Variants in SLC26A5 observed in about 807,000 individuals in gnomAD.
The protein encoded by SLC26A5 is solute carrier family 26 member 5, also known as prestin.
In SLC26A5, 51 loss-of-function variants were observed where a neutral mutation model predicts 81.0. The observed-to-expected ratio is 0.63, with a 90% CI of 0.50 to 0.80. The LOEUF (loss-of-function observed/expected upper bound fraction) is 0.80. Ranked by LOEUF, SLC26A5 falls within the 30% of genes least tolerant of loss-of-function variation. The pLI is 0.00. For synonymous variants in SLC26A5, 325 were observed against 332.8 expected (o/e 0.98, Z 0.25); for missense variants, 771 against 905.8 (o/e 0.85, Z 1.91).
Position 103,411,463 on chromosome 7 carries a change from A to T in SLC26A5, c.527T>A (p.Val176Glu). The T allele has an allele frequency of 6.2e-7, 1 of 1,613,978 alleles. No individual in the cohort carries two copies. The highest frequency in any genetic ancestry group is 1.6e-4 in the Middle Eastern group (1 of 6,062). ...NGTEARDALR[V>E]KVAMSVTLLS... is the part of the protein sequence containing the mutation. The stretch of plus-strand genomic sequence containing the variant: ...TAAGGTCACAGACATGGCGACTTTC[A>T]CTCTCAAGGCATCTCTGGCCTCTGT... The change falls in exon 6 of 20, where the codon GTG (valine) becomes GAG (glutamate). Residue 176 changes from valine (V) to glutamate (E), a missense_variant. Coordinates refer to ENST00000306312, the MANE Select transcript of SLC26A5 (RefSeq NM_198999.3).
At chr7:103,435,884 G>A (rs981170303) in intron 2 of SLC26A5, among the ~76,000 whole-genome samples, 1 of 152,062 alleles carries the variant, frequency 6.6e-6, no homozygotes, top group Admixed American at 6.6e-5. Context: ...TGGAGTTTTA[G>A]GATAGAGAGT....
intron 2 of SLC26A5, among the ~76,000 whole-genome samples, chr7:103,428,018 A>G (rs2116775811): frequency 6.6e-6 from 1 of 151,850 alleles, no homozygotes; most frequent in Admixed American, 6.6e-5. Context: ...ATGGCCAGGT[A>G]ATTTCTGTAT....
At chr7:103,358,690 C>T (rs1250316153) in intron 19 of SLC26A5, among the ~76,000 whole-genome samples, 1 of 151,822 alleles carries the variant, frequency 6.6e-6, no homozygotes, top group Non-Finnish European at 1.5e-5. Flanking sequence ...ATGTTCTGCT[C>T]TTATATCATG....
intron 19 of SLC26A5, among the ~76,000 whole-genome samples, chr7:103,355,527 C>T (rs1227793606): frequency 6.9e-6 from 1 of 145,572 alleles, no homozygotes; most frequent in African/African-American, 2.5e-5. Flanking sequence ...GTGCTGCTGG[C>T]GTCTAGTGGT....
At position 103,391,704 on chromosome 7, in the gene SLC26A5, A is replaced by G. The variant is rs747657738; in HGVS notation, c.1151T>C (p.Ile384Thr). Reference protein sequence around the residue: ...ELIALGLCNSIGSLFQTFSIS... With the variant: ...ELIALGLCNSTGSLFQTFSIS... Reference sequence around the variant, plus strand: ...TGAAAAGGTCTGGAAGAGTGAGCCAATGGAATTGCACAGTCCCAGGGCAAT... The same window carrying G: ...TGAAAAGGTCTGGAAGAGTGAGCCAGTGGAATTGCACAGTCCCAGGGCAAT... The change falls in exon 11 of 20, where the codon ATT (isoleucine) becomes ACT (threonine). Residue 384 changes from isoleucine (I) to threonine (T), a missense_variant. Physicochemically the swap from Ile to Thr is moderately conservative, Grantham distance 89. Coordinates refer to ENST00000306312, the MANE Select transcript of SLC26A5 (RefSeq NM_198999.3). The G allele has an allele frequency of 6.2e-7, 1 of 1,614,124 alleles. No homozygotes were observed. Among genetic ancestry groups the G allele is most frequent in the Admixed American group, 1.7e-5 (1 of 60,010 alleles).
chr7:103,411,387 G>A (rs779498729), intron 6 of SLC26A5, 33 bp downstream of exon 6: 4 of 1,612,734 alleles, frequency 2.5e-6, no homozygotes, highest in African/African-American at 1.3e-5. Context: ...GTTAACAAAC[G>A]AGACAGTCCA....
At chr7:103,380,419 A>G in intron 15 of SLC26A5, 61 bp downstream of exon 15, 1 of 1,394,072 alleles carries the variant, frequency 7.2e-7, no homozygotes, top group Non-Finnish European at 1.0e-6. Context: ...GGGTAAAAAC[A>G]GTACTTAGCC....
chr7:103,432,322 CT>C (rs1275800195), intron 2 of SLC26A5, among the ~76,000 whole-genome samples: 1 of 152,136 alleles, frequency 6.6e-6, no homozygotes, highest in Non-Finnish European at 1.5e-5. Context: ...TTTATTCTCC[CT>C]TTTCTCTTTC....
downstream of SLC26A5, among the ~76,000 whole-genome samples, chr7:103,371,479 T>A (rs969926638): frequency 6.1e-5 from 9 of 147,518 alleles, no homozygotes; most frequent in Non-Finnish European, 1.2e-4. Flanking sequence ...CGCCCGCCAC[T>A]ACGCCCGGCT....
intron 2 of SLC26A5, among the ~76,000 whole-genome samples, chr7:103,431,311 TTTTC>T (rs941653333): frequency 2.0e-4 from 29 of 141,788 alleles, no homozygotes; most frequent in Admixed American, 6.2e-4. Flanking sequence ...GAAGCAGCCA[TTTTC>T]TTTCTTTCTT....
intron 19 of SLC26A5, chr7:103,354,916 C>G: frequency 6.2e-7 from 1 of 1,613,246 alleles, no homozygotes; most frequent in Non-Finnish European, 8.5e-7. Context: ...AGATGACATT[C>G]AGCAACTTCT....
At chr7:103,406,860 C>G (rs1289724785) in intron 8 of SLC26A5, among the ~76,000 whole-genome samples, 2 of 152,126 alleles carry the variant, frequency 1.3e-5, no homozygotes, top group Non-Finnish European at 1.5e-5. Context: ...ACCATGTTAG[C>G]CAGGCTGGCC....
chr7:103,391,333 T>C (rs1300931530), intron 11 of SLC26A5, among the ~76,000 whole-genome samples: 2 of 152,234 alleles, frequency 1.3e-5, no homozygotes, highest in African/African-American at 4.8e-5. Flanking sequence ...CTGCCCATAC[T>C]CAGTCTCAGG....
At chr7:103,427,131 T>C (rs1431965072) in intron 2 of SLC26A5, among the ~76,000 whole-genome samples, 1 of 151,888 alleles carries the variant, frequency 6.6e-6, no homozygotes, top group African/African-American at 2.4e-5. Context: ...TGGAGTGCAG[T>C]GGCGTGATCT....
intron 19 of SLC26A5, 122 bp from the exon 20 acceptor site, chr7:103,374,714 T>G: frequency 9.8e-7 from 1 of 1,023,052 alleles, no homozygotes; most frequent in Non-Finnish European, 1.4e-6. Flanking sequence ...TCTTTTTTTT[T>G]TTTGAGACAG....
chr7:103,439,682 C>T (rs1380630379), intron 2 of SLC26A5, among the ~76,000 whole-genome samples: 5 of 152,158 alleles, frequency 3.3e-5, no homozygotes, highest in African/African-American at 4.8e-5. Context: ...TACAGGCATG[C>T]GCAACCATGC....
chr7:103,399,735 G>C (rs1487019098), intron 8 of SLC26A5, among the ~76,000 whole-genome samples: 1 of 152,006 alleles, frequency 6.6e-6, no homozygotes, highest in Non-Finnish European at 1.5e-5. Flanking sequence ...CTGACCCATG[G>C]ACAGGCCCCA....
intron 8 of SLC26A5, among the ~76,000 whole-genome samples, chr7:103,406,625 C>T (rs1046776532): frequency 6.6e-6 from 1 of 152,036 alleles, no homozygotes. Context: ...TGTTCCTATT[C>T]GGCCATCTTG....
intron 12 of SLC26A5, among the ~76,000 whole-genome samples, chr7:103,389,684 G>C (rs138639544): frequency 6.6e-6 from 1 of 152,070 alleles, no homozygotes; most frequent in East Asian, 1.9e-4. Flanking sequence ...GTGCAGTAGC[G>C]TAATCTTGGC....
Sources: gnomAD v4.1 joint callset for allele counts (sites outside exome capture counted in the v4.1 genomes callset) on GRCh38, gnomAD v4.1.1 for gene constraint, MANE v1.5 for transcripts, NCBI Gene and HGNC (gene_info 2026-07-23, HGNC 2026-07-21) for gene names.